SMC4: variants seen among roughly 807,000 people sequenced by gnomAD.
SMC4 encodes the protein structural maintenance of chromosomes protein 4.
In SMC4, 87 loss-of-function variants were observed where a neutral mutation model predicts 145.6. The ratio of observed to expected loss-of-function variants is 0.60; its 90% CI spans 0.50 to 0.71. The LOEUF (loss-of-function observed/expected upper bound fraction) is 0.71. SMC4 is among the 30% of genes least tolerant of loss of function. SMC4 has a pLI of 0.00. For missense variants in SMC4, 1,447 were observed against 1,537.1 expected (o/e 0.94, Z 0.98); for synonymous variants, 558 against 500.7 (o/e 1.11, Z -1.53).
chr3:160,427,183 G>T (rs1184591956), intron 17 of SMC4, among the ~76,000 whole-genome samples: 1 of 152,166 alleles, frequency 6.6e-6, no homozygotes, highest in Non-Finnish European at 1.5e-5. Flanking sequence ...CTTTGTTTTA[G>T]GTCCTACTGA....
chr3:160,402,018 G>T lies in SMC4; in HGVS notation c.243G>T (p.Arg81=). 6.3e-7 allele frequency: 1 copy of T among 1,599,438 alleles called. No individual in the cohort carries two copies. Among genetic ancestry groups the T allele is most frequent in the Non-Finnish European group, 8.5e-7 (1 of 1,174,168 alleles). The change falls in exon 3 of 24, where the codon CGG becomes CGT. Residue 81 remains arginine, a synonymous_variant. Transcript: ENST00000357388. ...TGACCAATGAAGCTGGAGCTCCTCG[G>T]CTTATGATAACTCATATTGTAAACC... ...PAMTNEAGAP[R]LMITHIVNQN...
intron 5 of SMC4, among the ~76,000 whole-genome samples, chr3:160,410,772 C>G (rs1231809568): frequency 6.6e-6 from 1 of 152,126 alleles, no homozygotes; most frequent in African/African-American, 2.4e-5. Flanking sequence ...TTATGATGCT[C>G]TCATTAGTAA....
chr3:160,404,568 G>A (rs746399800), intron 5 of SMC4, 64 bp downstream of exon 5: 3 of 1,515,312 alleles, frequency 2.0e-6, no homozygotes, highest in Non-Finnish European at 2.7e-6. Flanking sequence ...ATAAAGCTAG[G>A]TTGGATGAAT....
chr3:160,433,226 G>A lies in SMC4; in HGVS notation c.3714+17G>A. 2 of 1,574,854 alleles carry A rather than the reference G, an allele frequency of 1.3e-6. No homozygotes were observed. The highest frequency in any genetic ancestry group is 1.1e-5 in the South Asian group (1 of 87,168). On this transcript the variant is annotated intron_variant, in intron 23 of 23. Coordinates refer to ENST00000357388, the MANE Select transcript of SMC4 (RefSeq NM_001002800.3). ...TATATATATGTAAGTAATCATTTTG[G>A]GATTTTCATTCCAGAAACTTTTAGG... is the stretch of plus-strand genomic sequence containing the variant.
chr3:160,408,142 C>T (rs1715553437), intron 5 of SMC4, among the ~76,000 whole-genome samples: 1 of 152,220 alleles, frequency 6.6e-6, no homozygotes, highest in Non-Finnish European at 1.5e-5. Context: ...CACTGAAACC[C>T]TCCTTCATAG....
chr3:160,417,470 A>G (rs865959257), intron 10 of SMC4, among the ~76,000 whole-genome samples: 1 of 152,308 alleles, frequency 6.6e-6, no homozygotes. Flanking sequence ...CTAGGCCTCA[A>G]ATGTCTTTAT....
intron 17 of SMC4, among the ~76,000 whole-genome samples, chr3:160,428,010 C>G (rs1353481370): frequency 1.3e-5 from 2 of 152,184 alleles, no homozygotes; most frequent in Non-Finnish European, 2.9e-5. Context: ...ACATGGTAAG[C>G]TGAACCACGA....
chr3:160,430,969 T>C (rs1718339853), intron 19 of SMC4, 63 bp from the exon 20 acceptor site: 3 of 1,500,518 alleles, frequency 2.0e-6, no homozygotes, highest in Non-Finnish European at 2.7e-6. Context: ...CCTTCATCTC[T>C]GTAATGTGAA....
intron 17 of SMC4, among the ~76,000 whole-genome samples, chr3:160,428,488 A>AT (rs1247859784): frequency 1.3e-5 from 2 of 152,192 alleles, no homozygotes; most frequent in African/African-American, 4.8e-5. Context: ...AGTTGTAAAG[A>AT]TATTTTAAAA....
At position 160,433,662 on chromosome 3, in the gene SMC4, A is replaced by G. The variant is rs759587614; in HGVS notation, c.3720A>G (p.Gln1240=). Reference sequence around the variant, plus strand: ...TTTTCTTTGTTTCTCTTTAGGAACAAACAAAAAATGCACAGTTCATAATAA... The same window carrying G: ...TTTTCTTTGTTTCTCTTTAGGAACAGACAAAAAATGCACAGTTCATAATAA... The part of the protein sequence containing the change: ...VSIVAFYIYE[Q]TKNAQFIIIS... The change falls in exon 24 of 24, where the codon CAA becomes CAG. Residue 1240 remains glutamine (Q), a synonymous_variant. Coordinates refer to ENST00000357388, the MANE Select transcript of SMC4 (RefSeq NM_001002800.3). 2 of 1,540,590 alleles carry G rather than the reference A, an allele frequency of 1.3e-6. No homozygotes were observed. Among genetic ancestry groups the G allele is most frequent in the Non-Finnish European group, 1.8e-6 (2 of 1,142,438 alleles).
chr3:160,410,323 T>C (rs958312670), intron 5 of SMC4, among the ~76,000 whole-genome samples: 11 of 152,296 alleles, frequency 7.2e-5, no homozygotes, highest in Admixed American at 2.0e-4. Context: ...AAAATGTCAG[T>C]AGTGCCACTG....
intron 16 of SMC4, among the ~76,000 whole-genome samples, 159 bp from the exon 17 acceptor site, chr3:160,425,915 T>C (rs1340136781): frequency 6.6e-6 from 1 of 152,240 alleles, no homozygotes; most frequent in Non-Finnish European, 1.5e-5. Context: ...ATTTTGTGTT[T>C]GTTGGCCATT....
chr3:160,418,335 T>C (rs542168325), intron 11 of SMC4, among the ~76,000 whole-genome samples: 1 of 152,312 alleles, frequency 6.6e-6, no homozygotes, highest in Non-Finnish European at 1.5e-5. Flanking sequence ...GTTTTGAATT[T>C]ATGGATGTAG....
intron 13 of SMC4, 63 bp from the exon 14 acceptor site, chr3:160,423,359 GTTT>G: frequency 7.4e-6 from 3 of 405,224 alleles, no homozygotes; most frequent in Non-Finnish European, 1.2e-5. Context: ...GTTTTTTTTT[GTTT>G]TTTTTTTTGA....
At chr3:160,433,452 G>A in intron 23 of SMC4, 1 of 545,644 alleles carries the variant, frequency 1.8e-6, no homozygotes, top group South Asian at 2.9e-5. Flanking sequence ...TAGAATCCTA[G>A]GTCATCTTCC....
chr3:160,425,018 A>G lies in SMC4; in HGVS notation c.2477A>G (p.Gln826Arg). The change falls in exon 16 of 24, where the codon CAG becomes CGG. Residue 826 changes from glutamine to arginine, a missense_variant and splice_region_variant. Physicochemically the swap from Gln to Arg is conservative, Grantham distance 43. Coordinates refer to ENST00000357388, the MANE Select transcript of SMC4 (RefSeq NM_001002800.3). ...NTLEKFTASI[Q>R]RLIEQEEYLN... ...CTAGAAAAATTTACTGCAAGCATCCAGGTATGTGTGTGTGTGTGTGTGTGT... is the reference window on the plus strand; with the variant it reads ...CTAGAAAAATTTACTGCAAGCATCCGGGTATGTGTGTGTGTGTGTGTGTGT... The G allele has an allele frequency of 1.6e-6, 2 of 1,245,194 alleles. No homozygotes were observed. Among genetic ancestry groups the G allele is most frequent in the South Asian group, 2.6e-5 (2 of 75,914 alleles). 77.1% of individuals were successfully genotyped at this position (1,245,194 alleles called of 1,614,324 possible). A position where few individuals can be genotyped will look rare whatever the true frequency, so the allele number is the denominator to read the frequency against.
chr3:160,418,123 G>T (rs1263948393), intron 11 of SMC4, among the ~76,000 whole-genome samples, 167 bp downstream of exon 11: 1 of 152,070 alleles, frequency 6.6e-6, no homozygotes, highest in African/African-American at 2.4e-5. Context: ...TGTGAACTGA[G>T]ACTATCAAGA....
rs1260004349 is a variant in SMC4 at position 160,400,885 on chromosome 3, C to T, written c.59C>T (p.Pro20Leu). ...TARRREEGPP[P>L]PSPDGASSDA... ...CGGCGCAGAGAGGAAGGGCCGCCGCCGCCGTCCCCTGACGGCGCCAGCAGC... is the reference window on the plus strand; with the variant it reads ...CGGCGCAGAGAGGAAGGGCCGCCGCTGCCGTCCCCTGACGGCGCCAGCAGC... The change falls in exon 2 of 24, where the codon CCG becomes CTG. Residue 20 changes from proline (P) to leucine (L), a missense_variant. Physicochemically the swap from Pro to Leu is moderately conservative, Grantham distance 98 (BLOSUM62 -3). Coordinates refer to ENST00000357388, the MANE Select transcript of SMC4 (RefSeq NM_001002800.3). The T allele has an allele frequency of 1.3e-6, 2 of 1,512,784 alleles. No homozygotes were observed. The highest frequency in any genetic ancestry group is 1.8e-6 in the Non-Finnish European group (2 of 1,139,914). The allele number at this position is 1,512,784 out of a possible 1,614,324, so 93.7% of individuals were successfully genotyped here.
chr3:160,428,629 C>T (rs1718051219), intron 17 of SMC4, 124 bp from the exon 18 acceptor site: 1 of 777,530 alleles, frequency 1.3e-6, no homozygotes, highest in Non-Finnish European at 2.0e-6. Context: ...GTGCTTTTTC[C>T]CATATGCCTA....
Sources: gnomAD v4.1 joint callset for allele counts (sites outside exome capture counted in the v4.1 genomes callset) on GRCh38, gnomAD v4.1.1 for gene constraint, MANE v1.5 for transcripts, NCBI Gene and HGNC (gene_info 2026-07-23, HGNC 2026-07-21) for gene names.